CDS2: variants seen among roughly 807,000 people sequenced by gnomAD.
CDS2 encodes phosphatidate cytidylyltransferase 2.
In CDS2, 47 loss-of-function variants were observed where a neutral mutation model predicts 59.0. The ratio of observed to expected loss-of-function variants is 0.80; its 90% CI spans 0.63 to 1.02. CDS2 has a LOEUF of 1.02. Ranked by LOEUF, CDS2 falls within the 50% of genes least tolerant of loss-of-function variation. The probability of loss-of-function intolerance (pLI) is 0.00; values close to 1 mark genes in which losing one functional copy is unlikely to be tolerated. For synonymous variants in CDS2, 207 were observed against 206.4 expected (o/e 1.00, Z -0.02); for missense variants, 356 against 558.9 (o/e 0.64, Z 3.66).
At position 5,196,345 on chromosome 20, in the gene CDS2, A is replaced by G. The variant is rs767825093; in HGVS notation, c.*6111A>G. On this transcript the variant is annotated 3_prime_UTR_variant, in exon 13 of 13. Transcript: ENST00000460006. The stretch of plus-strand genomic sequence containing the variant: ...AATAGACCTAGGCAGCCTTGTATCC[A>G]TAGAAAGCCTCCACTGCTGGGCCGG... 6.6e-6 allele frequency: 1 copy of G among 152,094 alleles called. No individual in the cohort carries two copies. Among genetic ancestry groups the G allele is most frequent in the Admixed American group, 6.6e-5 (1 of 15,266 alleles). 9.4% of individuals were successfully genotyped at this position (152,094 alleles called of 1,614,324 possible).
At position 5,151,741 on chromosome 20, in the gene CDS2, A is replaced by T. The variant is rs536501959; in HGVS notation, c.58-21782A>T. Reference sequence around the variant, plus strand: ...GCATGAGCCACCATGCCTGGCCTAGACTCCATGTCTTTTTTTTTTTTTTTT... The same window carrying T: ...GCATGAGCCACCATGCCTGGCCTAGTCTCCATGTCTTTTTTTTTTTTTTTT... On this transcript the variant is annotated intron_variant, in intron 1 of 12. Transcript: ENST00000460006. Among the ~76,000 whole-genome samples the T allele has an allele frequency of 3.5e-5, 4 of 114,244 alleles. No homozygotes were observed. In the Admixed American group the frequency reaches 3.9e-4, roughly 11 times the overall value. The allele number at this position is 114,244 out of a possible 152,430, so 74.9% of individuals were successfully genotyped here.
At chr20:5,153,669 T>G (rs1372915949) in intron 1 of CDS2, among the ~76,000 whole-genome samples, 1 of 152,240 alleles carries the variant, frequency 6.6e-6, no homozygotes, top group East Asian at 1.9e-4. Context: ...TTTGAGCTAC[T>G]CTTCTTCCTG....
chr20:5,146,379 G>A (rs116641360), intron 1 of CDS2, among the ~76,000 whole-genome samples: 1 of 152,172 alleles, frequency 6.6e-6, no homozygotes, highest in African/African-American at 2.4e-5. Context: ...CGATGAAAGA[G>A]TCAGGAGAGT....
intron 1 of CDS2, among the ~76,000 whole-genome samples, chr20:5,140,490 G>C (rs969382817): frequency 6.6e-6 from 1 of 152,166 alleles, no homozygotes; most frequent in Non-Finnish European, 1.5e-5. Flanking sequence ...CATAAACTCA[G>C]GAGTTGGACT....
chr20:5,186,618 A>C lies in CDS2; in HGVS notation c.829-69A>C, dbSNP rs370348581. On this transcript the variant is annotated intron_variant, in intron 9 of 12. Transcript: ENST00000460006. ...GCACCCTCAGGAACATGGCCAAACC[A>C]GGTGCCTGTGTCTGGGCTGGATGGT... The C allele has an allele frequency of 2.3e-4, 353 of 1,555,618 alleles. 3 individuals are homozygous for C. In the South Asian group the frequency reaches 3.8e-3, roughly 17 times the overall value.
At chr20:5,159,607 A>G (rs1233824420) in intron 1 of CDS2, among the ~76,000 whole-genome samples, 1 of 152,230 alleles carries the variant, frequency 6.6e-6, no homozygotes, top group African/African-American at 2.4e-5. Context: ...CAAGATGTCA[A>G]AGGAATAATA....
In CDS2 at chr20:5,182,429, G is replaced by A. The variant is rs922936264; in HGVS notation, c.572G>A (p.Arg191Gln). Residue 191 changes from arginine to glutamine, a missense_variant, in exon 6 of 13, where the codon CGA becomes CAA. Around this residue, in one of 5 missense-constraint regions of CDS2, gnomAD observed 87 missense variants for 193.3 expected, o/e 0.45. Transcript: ENST00000460006. ...FVLSLVKKHY[R>Q]LQFYMFGWTH... The stretch of plus-strand genomic sequence containing the variant: ...CTGAGTCTGGTCAAGAAGCATTATC[G>A]ACTGCAGTTCTACATGGTAAAGGAA... 3.1e-6 allele frequency: 5 copies of A among 1,611,910 alleles called. No homozygotes were observed. Among genetic ancestry groups the A allele is most frequent in the Admixed American group, 1.7e-5 (1 of 59,732 alleles).
At chr20:5,168,613 G>A (rs1389466623) in intron 1 of CDS2, 1 of 518,648 alleles carries the variant, frequency 1.9e-6, no homozygotes, top group Non-Finnish European at 3.8e-6. Flanking sequence ...GTAGGAGGGT[G>A]GGCCCCTGGC....
chr20:5,190,341 C>CTT lies in CDS2; in HGVS notation c.*122_*123dup, dbSNP rs11477708. The stretch of plus-strand genomic sequence containing the variant: ...CAATGACGAGGCTTCAACTCACTGT[C>CTT]TTTTTTTTTTTTTTTTGGAGGGTAT... On this transcript the variant is annotated 3_prime_UTR_variant, in exon 13 of 13. Transcript: ENST00000460006. The CTT allele has an allele frequency of 2.8e-3, 1,926 of 684,856 alleles. No homozygotes were observed. The highest frequency in any genetic ancestry group is 4.2e-3 in the South Asian group (131 of 31,042). 42.4% of individuals were successfully genotyped at this position (684,856 alleles called of 1,614,324 possible). A position where few individuals can be genotyped will look rare whatever the true frequency, so the allele number is the denominator to read the frequency against.
intron 1 of CDS2, among the ~76,000 whole-genome samples, chr20:5,161,851 G>A (rs902454656): frequency 3.3e-5 from 5 of 152,060 alleles, no homozygotes; most frequent in East Asian, 1.9e-4. Context: ...TCTATTGGAC[G>A]TACTTGGCCT....
At position 5,145,822 on chromosome 20, in the gene CDS2, G is replaced by GGTTTTTT. The variant is rs773575866; in HGVS notation, c.57+18673_57+18674insGTTTTTT. Among the ~76,000 whole-genome samples the GGTTTTTT allele has an allele frequency of 5.8e-4, 75 of 129,240 alleles. 4 individuals carry two copies. The highest frequency in any genetic ancestry group is 1.9e-3 in the African/African-American group (65 of 33,502). The allele number at this position is 129,240 out of a possible 152,430, so 84.8% of individuals were successfully genotyped here. A position where few individuals can be genotyped will look rare whatever the true frequency, so the allele number is the denominator to read the frequency against. ...CCAAGTTGTGTGTTTTGCTTTTTGT[G>GGTTTTTT]TTTTTTTTTTTTTTTTTTTGAGACA... On this transcript the variant is annotated intron_variant, in intron 1 of 12. Transcript: ENST00000460006.
chr20:5,180,187 ATGT>A (rs1233412298), intron 5 of CDS2, among the ~76,000 whole-genome samples: 2 of 152,262 alleles, frequency 1.3e-5, no homozygotes, highest in Non-Finnish European at 2.9e-5. Flanking sequence ...GTCTGCGGAC[ATGT>A]TGTGCTACCA....
At chr20:5,183,235 C>T in intron 7 of CDS2, 92 bp downstream of exon 7, 1 of 1,035,770 alleles carries the variant, frequency 9.7e-7, no homozygotes, top group South Asian at 1.3e-5. Flanking sequence ...TCACCTTGAG[C>T]CACATCAGAA....
At position 5,175,247 on chromosome 20, in the gene CDS2, A is replaced by G. The variant is rs758519554; in HGVS notation, c.259A>G (p.Ile87Val). 6.2e-7 allele frequency: 1 copy of G among 1,614,054 alleles called. No homozygotes were observed. The highest frequency in any genetic ancestry group is 1.1e-5 in the South Asian group (1 of 91,070). ...CATGATTGCATTTTTCTTCATCATC[A>G]TTTACCTGGGACCAATGGTTTTGAT... is the stretch of plus-strand genomic sequence containing the variant. ...LAMIAFFFIIIYLGPMVLMII... is the reference protein window; with the variant it reads ...LAMIAFFFIIVYLGPMVLMII... Residue 87 changes from isoleucine to valine, a missense_variant, in exon 3 of 13, where the codon ATT becomes GTT. Coordinates refer to ENST00000460006, the MANE Select transcript of CDS2 (RefSeq NM_003818.4).
intron 1 of CDS2, among the ~76,000 whole-genome samples, chr20:5,163,598 T>G (rs1205138033): frequency 6.6e-6 from 1 of 152,104 alleles, no homozygotes; most frequent in Non-Finnish European, 1.5e-5. Flanking sequence ...ACTCATAAAT[T>G]TTCATATACT....
At chr20:5,167,068 A>C (rs1321415930) in intron 1 of CDS2, among the ~76,000 whole-genome samples, 1 of 152,198 alleles carries the variant, frequency 6.6e-6, no homozygotes, top group Non-Finnish European at 1.5e-5. Context: ...CATGGCAAGC[A>C]CATGGCTGAC....
At chr20:5,180,817 G>T (rs1262997993) in intron 5 of CDS2, among the ~76,000 whole-genome samples, 1 of 152,078 alleles carries the variant, frequency 6.6e-6, no homozygotes, top group African/African-American at 2.4e-5. Context: ...CCTAAGGGTT[G>T]CAGAGGGACG....
intron 1 of CDS2, among the ~76,000 whole-genome samples, chr20:5,169,409 C>T (rs888907290): frequency 6.6e-6 from 1 of 152,210 alleles, no homozygotes; most frequent in African/African-American, 2.4e-5. Flanking sequence ...GGCACATGAG[C>T]AGGAAAGTGG....
intron 8 of CDS2, among the ~76,000 whole-genome samples, chr20:5,185,272 A>G (rs2091059186): frequency 6.6e-6 from 1 of 152,092 alleles, no homozygotes; most frequent in Admixed American, 6.6e-5. Context: ...ACATTTAAAA[A>G]TTAGCCAGGC....
Sources: allele counts gnomAD v4.1 joint callset (sites outside exome capture counted in the v4.1 genomes callset), GRCh38; gene constraint gnomAD v4.1.1; regional missense constraint gnomAD v4.1.1; transcripts MANE v1.5; gene names NCBI Gene and HGNC (gene_info 2026-07-23, HGNC 2026-07-21).